AK8: variants seen among roughly 807,000 people sequenced by gnomAD.
AK8 encodes ATP-AMP transphosphorylase 8.
A neutral mutation model predicts 54.6 loss-of-function variants in AK8; 44 were observed. That is an observed-to-expected ratio of 0.81 (90% CI 0.63 to 1.04). The LOEUF (loss-of-function observed/expected upper bound fraction) is 1.04, where lower values mean the gene tolerates loss of function less well. Among genes scored for constraint, AK8 ranks in the 50% least tolerant of loss-of-function variants. The pLI is 0.00. For synonymous variants in AK8, 239 were observed against 245.6 expected (o/e 0.97, Z 0.25); for missense variants, 555 against 613.6 (o/e 0.90, Z 1.01).
chr9:132,794,467 G>C (rs908456319), intron 10 of AK8, among the ~76,000 whole-genome samples: 1 of 152,154 alleles, frequency 6.6e-6, no homozygotes, highest in African/African-American at 2.4e-5. Context: ...GCCACGGTGT[G>C]ATGTTCCCTC....
intron 5 of AK8, among the ~76,000 whole-genome samples, chr9:132,846,165 G>A (rs918492932): frequency 1.3e-4 from 20 of 152,182 alleles, no homozygotes; most frequent in African/African-American, 3.4e-4. Flanking sequence ...TTACTTACAC[G>A]AAATAGTACT....
At chr9:132,792,276 C>G (rs1325789962) in intron 11 of AK8, among the ~76,000 whole-genome samples, 1 of 152,194 alleles carries the variant, frequency 6.6e-6, no homozygotes, top group Non-Finnish European at 1.5e-5. Context: ...ATACTGCCTA[C>G]TCACATCCAA....
intron 11 of AK8, among the ~76,000 whole-genome samples, chr9:132,729,940 TA>T (rs1836756634): frequency 6.6e-6 from 1 of 152,150 alleles, no homozygotes; most frequent in Non-Finnish European, 1.5e-5. Flanking sequence ...ATCAAAAGAC[TA>T]AATCAAAAGA....
At chr9:132,844,298 A>AT (rs948997120) in intron 5 of AK8, among the ~76,000 whole-genome samples, 2 of 41,880 alleles carry the variant, frequency 4.8e-5, no homozygotes, top group African/African-American at 9.7e-5. Flanking sequence ...GCATTAGACC[A>AT]AAAAAAAAAA....
intron 1 of AK8, chr9:132,877,621 T>C (rs1257929323): frequency 9.6e-6 from 3 of 311,840 alleles, no homozygotes; most frequent in Non-Finnish European, 2.0e-5. Context: ...GGAGCCAGAA[T>C]GAGAGCTTCG....
chr9:132,756,868 C>T (rs1291988653), intron 11 of AK8, among the ~76,000 whole-genome samples: 1 of 152,062 alleles, frequency 6.6e-6, no homozygotes, highest in Admixed American at 6.5e-5. Flanking sequence ...CTCACGGACT[C>T]GTGTCTAGAG....
intron 4 of AK8, among the ~76,000 whole-genome samples, chr9:132,862,734 C>G (rs555150184): frequency 6.6e-6 from 1 of 152,202 alleles, no homozygotes; most frequent in Non-Finnish European, 1.5e-5. Context: ...GCACACCCCT[C>G]AACAGAGCTG....
chr9:132,876,992 G>A (rs1350562376), intron 1 of AK8, among the ~76,000 whole-genome samples: 1 of 152,178 alleles, frequency 6.6e-6, no homozygotes, highest in African/African-American at 2.4e-5. Context: ...CTTGAGCCCA[G>A]GAGTTCAAGG....
At chr9:132,869,328 G>C (rs906581514) in intron 2 of AK8, among the ~76,000 whole-genome samples, 10 of 152,236 alleles carry the variant, frequency 6.6e-5, no homozygotes, top group African/African-American at 1.9e-4. Context: ...AAATGGGCTG[G>C]GGAGACACCA....
intron 11 of AK8, among the ~76,000 whole-genome samples, chr9:132,784,421 A>C (rs1839604874): frequency 6.6e-6 from 1 of 152,186 alleles, no homozygotes; most frequent in South Asian, 2.1e-4. Flanking sequence ...CAGGAGGCTG[A>C]GGCAGGAGAA....
In AK8 at chr9:132,813,151, A is replaced by C. The variant is rs516602; in HGVS notation, c.979+1487T>G. ...AGGACCAGACCTGCTCACTGCCCTG[A>C]GCCTACACAGATCACCTCATTCTGT... On this transcript the variant is annotated intron_variant, in intron 10 of 12. Transcript: ENST00000298545. Among the ~76,000 whole-genome samples, 104 of 64,288 alleles carry C rather than the reference A, an allele frequency of 1.6e-3. 4 individuals are homozygous for C. The highest frequency in any genetic ancestry group is 4.6e-3 in the East Asian group (5 of 1,094). 42.2% of individuals were successfully genotyped at this position (64,288 alleles called of 152,430 possible). A position where few individuals can be genotyped will look rare whatever the true frequency, so the allele number is the denominator to read the frequency against.
At position 132,813,885 on chromosome 9, in the gene AK8, G is replaced by A. The variant is rs529458070; in HGVS notation, c.979+753C>T. 3.8e-4 allele frequency among the ~76,000 whole-genome samples: 58 copies of A among 152,254 alleles called. No homozygotes were observed. In the South Asian group the frequency reaches 4.6e-3, roughly 12 times the overall value. On this transcript the variant is annotated intron_variant, in intron 10 of 12. Transcript: ENST00000298545. Reference sequence around the variant, plus strand: ...CATCTAACTGCTGAGGACCAATGCCGGTCAACACTCACATCTGCAAAGCTG... The same window carrying A: ...CATCTAACTGCTGAGGACCAATGCCAGTCAACACTCACATCTGCAAAGCTG...
chr9:132,748,229 C>T (rs1001247721), intron 11 of AK8, among the ~76,000 whole-genome samples: 4 of 151,254 alleles, frequency 2.6e-5, no homozygotes, highest in Non-Finnish European at 4.4e-5. Context: ...AAGACTGGAC[C>T]GGAAGTTCTT....
At chr9:132,748,884 G>A (rs570938527) in intron 11 of AK8, among the ~76,000 whole-genome samples, 1 of 152,002 alleles carries the variant, frequency 6.6e-6, no homozygotes, top group East Asian at 1.9e-4. Context: ...TTGTTTGTTT[G>A]TTTGTTTTGA....
intron 5 of AK8, among the ~76,000 whole-genome samples, chr9:132,839,766 C>T (rs1842459810): frequency 7.0e-6 from 1 of 141,868 alleles, no homozygotes; most frequent in Non-Finnish European, 1.5e-5. Context: ...GTTTTTGCGG[C>T]TTATGACAGA....
intron 11 of AK8, among the ~76,000 whole-genome samples, chr9:132,736,985 T>C (rs1254672813): frequency 6.6e-6 from 1 of 151,704 alleles, no homozygotes; most frequent in Admixed American, 6.6e-5. Context: ...AAGGGGAAAT[T>C]GGGAATTAGT....
rs189581069 is a variant in AK8, at chr9:132,725,747, T to C, written c.1381A>G (p.Thr461Ala). The change falls in exon 13 of 13, where the codon ACA (threonine) becomes GCA (alanine). Residue 461 changes from threonine (T) to alanine (A), a missense_variant. By Grantham distance (58) the Thr-to-Ala change is moderately conservative. Coordinates refer to ENST00000298545, the MANE Select transcript of AK8 (RefSeq NM_152572.3). ...CCACTCTCGATGTATTCGAAGACTG[T>C]GTATGGGTCCTGGTCCCCATTGAGG... ...ITLNGDQDPY[T>A]VFEYIESGII... 1 of 1,594,146 alleles carries C rather than the reference T, an allele frequency of 6.3e-7. No individual in the cohort carries two copies. The highest frequency in any genetic ancestry group is 1.1e-5 in the South Asian group (1 of 87,556).
chr9:132,792,731 G>T lies in AK8; in HGVS notation c.1024C>A (p.Gln342Lys). 6.4e-7 allele frequency: 1 copy of T among 1,558,284 alleles called. No homozygotes were observed. Among genetic ancestry groups the T allele is most frequent in the Non-Finnish European group, 8.7e-7 (1 of 1,151,272 alleles). The change falls in exon 11 of 13, where the codon CAG (glutamine) becomes AAG (lysine). Residue 342 changes from glutamine to lysine, a missense_variant. Gln to Lys is a moderately conservative substitution (Grantham distance 53, BLOSUM62 1). Transcript: ENST00000298545. ...LMKVLSQRLD[Q>K]QDCIQKGWVL... is the part of the protein sequence containing the mutation. ...CAGCCTTTCTGGATGCAGTCCTGCTGGTCCAGGCGCTGGCTCAGCACCTTC... is the reference window on the plus strand; with the variant it reads ...CAGCCTTTCTGGATGCAGTCCTGCTTGTCCAGGCGCTGGCTCAGCACCTTC...
At chr9:132,835,668 G>T (rs182733012) in intron 5 of AK8, among the ~76,000 whole-genome samples, 1 of 152,128 alleles carries the variant, frequency 6.6e-6, no homozygotes, top group African/African-American at 2.4e-5. Flanking sequence ...TCTAGCTCAC[G>T]GTTGATGAAA....
Sources: gnomAD v4.1 joint callset for allele counts (sites outside exome capture counted in the v4.1 genomes callset) on GRCh38, gnomAD v4.1.1 for gene constraint, MANE v1.5 for transcripts, NCBI Gene and HGNC (gene_info 2026-07-23, HGNC 2026-07-21) for gene names.